Variants in KCNIP1 observed in about 807,000 individuals in gnomAD.
KCNIP1 encodes the protein A-type potassium channel modulatory protein KCNIP1.
In KCNIP1, 18 loss-of-function variants were observed where a neutral mutation model predicts 33.0. The ratio of observed to expected loss-of-function variants is 0.55; its 90% confidence interval spans 0.38 to 0.81. The LOEUF (loss-of-function observed/expected upper bound fraction) is 0.81, where lower values mean the gene tolerates loss of function less well. Ranked by LOEUF, KCNIP1 falls within the 30% of genes least tolerant of loss-of-function variation. The pLI is 0.00. For missense variants in KCNIP1, 238 were observed against 271.6 expected (o/e 0.88, Z 0.87); for synonymous variants, 93 against 98.3 (o/e 0.95, Z 0.32).
intron 1 of KCNIP1, among the ~76,000 whole-genome samples, chr5:170,509,712 A>G (rs1212798760): frequency 6.6e-6 from 1 of 152,250 alleles, no homozygotes; most frequent in Non-Finnish European, 1.5e-5. Context: ...CAGAACAGCT[A>G]TAATTAACAG....
intron 1 of KCNIP1, among the ~76,000 whole-genome samples, chr5:170,356,771 G>A (rs946905805): frequency 6.6e-6 from 1 of 152,174 alleles, no homozygotes; most frequent in Non-Finnish European, 1.5e-5. Flanking sequence ...CGAATGCAAC[G>A]GCACCGCACG....
intron 1 of KCNIP1, among the ~76,000 whole-genome samples, chr5:170,570,446 C>A (rs1289654110): frequency 1.3e-5 from 2 of 152,154 alleles, no homozygotes; most frequent in African/African-American, 4.8e-5. Flanking sequence ...TACTCTCTCC[C>A]CCACCCCCTT....
intron 1 of KCNIP1, among the ~76,000 whole-genome samples, chr5:170,436,679 G>A (rs1336582703): frequency 6.6e-6 from 1 of 152,234 alleles, no homozygotes; most frequent in Non-Finnish European, 1.5e-5. Context: ...GCATGTGTGT[G>A]TTCCCCTGTT....
At chr5:170,614,128 C>T (rs1012491542) in intron 1 of KCNIP1, among the ~76,000 whole-genome samples, 3 of 152,152 alleles carry the variant, frequency 2.0e-5, no homozygotes, top group South Asian at 2.1e-4. Flanking sequence ...GAACAGCTGG[C>T]GAGGAAGGAC....
chr5:170,682,116 A>T (rs1762371679), intron 1 of KCNIP1, among the ~76,000 whole-genome samples: 1 of 152,234 alleles, frequency 6.6e-6, no homozygotes, highest in African/African-American at 2.4e-5. Context: ...TAGACAAAGG[A>T]CTAGCTAAAA....
intron 1 of KCNIP1, among the ~76,000 whole-genome samples, chr5:170,609,879 C>T (rs913989243): frequency 5.3e-5 from 8 of 152,066 alleles, no homozygotes; most frequent in African/African-American, 1.7e-4. Context: ...AACAAATAAA[C>T]AAATACTACT....
At chr5:170,434,633 G>A (rs913881619) in intron 1 of KCNIP1, among the ~76,000 whole-genome samples, 1 of 152,074 alleles carries the variant, frequency 6.6e-6, no homozygotes, top group Admixed American at 6.5e-5. Context: ...TCGGTGGGTG[G>A]GGTGAGATGA....
At chr5:170,408,417 G>A (rs535209045) in intron 1 of KCNIP1, among the ~76,000 whole-genome samples, 30 of 152,236 alleles carry the variant, frequency 2.0e-4, no homozygotes, top group Admixed American at 1.6e-3. Context: ...ACCACGGGCT[G>A]ACTGAATGAG....
intron 1 of KCNIP1, among the ~76,000 whole-genome samples, chr5:170,454,618 T>C (rs1298372882): frequency 1.3e-5 from 2 of 152,224 alleles, no homozygotes; most frequent in East Asian, 3.8e-4. Context: ...TGAAAAGACA[T>C]TAAACTTTAC....
At chr5:170,575,783 A>T (rs543096509) in intron 1 of KCNIP1, among the ~76,000 whole-genome samples, 1 of 152,258 alleles carries the variant, frequency 6.6e-6, no homozygotes, top group South Asian at 2.1e-4. Flanking sequence ...TTGACTTTCC[A>T]ATGTGGGAGT....
At chr5:170,719,756 C>A (rs1041620537) in intron 2 of KCNIP1, among the ~76,000 whole-genome samples, 2 of 152,212 alleles carry the variant, frequency 1.3e-5, no homozygotes, top group Admixed American at 1.3e-4. Context: ...CTAGCCTTGA[C>A]TGCACATGCC....
chr5:170,556,534 G>A (rs943100249), intron 1 of KCNIP1, among the ~76,000 whole-genome samples: 2 of 152,180 alleles, frequency 1.3e-5, no homozygotes, highest in African/African-American at 2.4e-5. Flanking sequence ...TCCAGGAGGT[G>A]GGGGGTGGGA....
intron 1 of KCNIP1, among the ~76,000 whole-genome samples, chr5:170,419,631 T>TA (rs1275732575): frequency 6.6e-6 from 1 of 152,220 alleles, no homozygotes; most frequent in East Asian, 1.9e-4. Flanking sequence ...ATTGTGCACT[T>TA]ACGATGTACC....
At chr5:170,719,837 GAGA>G (rs1364769697) in intron 2 of KCNIP1, among the ~76,000 whole-genome samples, 1 of 152,200 alleles carries the variant, frequency 6.6e-6, no homozygotes, top group Non-Finnish European at 1.5e-5. Context: ...AGCCGAGTTG[GAGA>G]AGGATCCTGT....
At chr5:170,574,020 A>G (rs1476518225) in intron 1 of KCNIP1, among the ~76,000 whole-genome samples, 1 of 152,262 alleles carries the variant, frequency 6.6e-6, no homozygotes, top group Non-Finnish European at 1.5e-5. Flanking sequence ...GAGGGACCCA[A>G]GTGGGACCCC....
chr5:170,690,303 G>C (rs1762679697), intron 1 of KCNIP1, among the ~76,000 whole-genome samples: 1 of 152,104 alleles, frequency 6.6e-6, no homozygotes, highest in Admixed American at 6.6e-5. Flanking sequence ...TTTCCAGTGG[G>C]TTTCTGTCTT....
intron 1 of KCNIP1, among the ~76,000 whole-genome samples, chr5:170,461,667 A>C (rs1756503268): frequency 6.6e-6 from 1 of 151,868 alleles, no homozygotes; most frequent in South Asian, 2.1e-4. Context: ...GGAGAATGGC[A>C]TGAACCCGGG....
intron 1 of KCNIP1, among the ~76,000 whole-genome samples, chr5:170,432,045 T>TTTTTC (rs1358573191): frequency 6.6e-6 from 1 of 152,078 alleles, no homozygotes; most frequent in Non-Finnish European, 1.5e-5. Context: ...TCTTTTTTTT[T>TTTTTC]TTTTCACATT....
upstream of KCNIP1, among the ~76,000 whole-genome samples, chr5:170,501,543 C>T (rs1757413662): frequency 6.6e-6 from 1 of 152,214 alleles, no homozygotes; most frequent in Non-Finnish European, 1.5e-5. Context: ...AAGCACTTTG[C>T]TATTTCTGAT....
Sources: gnomAD v4.1 joint callset for allele counts (sites outside exome capture counted in the v4.1 genomes callset) on GRCh38, gnomAD v4.1.1 for gene constraint, MANE v1.5 for transcripts, NCBI Gene and HGNC (gene_info 2026-07-23, HGNC 2026-07-21) for gene names.